The following EML6 variants were observed in gnomAD, a reference collection of about 807,000 sequenced individuals.
EML6 encodes echinoderm microtubule-associated protein-like 6.
In EML6, 154 loss-of-function variants were observed where a neutral mutation model predicts 240.1. The ratio of observed to expected loss-of-function variants is 0.64; its 90% CI spans 0.56 to 0.73. EML6 has a LOEUF of 0.73. EML6 is among the 30% of genes least tolerant of loss of function. The pLI is 0.00. For synonymous variants in EML6, 1,148 were observed against 899.0 expected, an observed-to-expected ratio of 1.28 and a Z score of -4.95; for missense variants, 2,964 against 2,474.6, an observed-to-expected ratio of 1.20 and a Z score of -4.20.
chr2:54,805,890 G>T (rs188309682), intron 2 of EML6, among the ~76,000 whole-genome samples: 10 of 152,144 alleles, frequency 6.6e-5, no homozygotes, highest in Admixed American at 3.9e-4. Flanking sequence ...TTCCAGCACT[G>T]TCTGTTGAAA....
chr2:54,937,884 G>C (rs914685814), intron 28 of EML6, among the ~76,000 whole-genome samples: 8 of 152,082 alleles, frequency 5.3e-5, no homozygotes, highest in African/African-American at 1.9e-4. Context: ...ACAAGAGTTG[G>C]GTCAATGAGA....
chr2:54,947,107 C>A (rs1330787570), intron 28 of EML6, among the ~76,000 whole-genome samples: 2 of 152,090 alleles, frequency 1.3e-5, no homozygotes, highest in Non-Finnish European at 2.9e-5. Context: ...GCCTTATGAG[C>A]CATGCCATAG....
At chr2:54,797,031 G>T (rs1415125024) in intron 2 of EML6, among the ~76,000 whole-genome samples, 1 of 151,764 alleles carries the variant, frequency 6.6e-6, no homozygotes, top group African/African-American at 2.4e-5. Flanking sequence ...GGGGCCTAGT[G>T]GTAGGTACCT....
At chr2:54,899,064 C>T (rs1672920761) in intron 21 of EML6, among the ~76,000 whole-genome samples, 1 of 152,174 alleles carries the variant, frequency 6.6e-6, no homozygotes, top group South Asian at 2.1e-4. Flanking sequence ...AGACGCAGAA[C>T]CTGGGCTACA....
chr2:54,901,091 A>G (rs1436521059), intron 22 of EML6, among the ~76,000 whole-genome samples: 2 of 152,242 alleles, frequency 1.3e-5, no homozygotes, highest in Non-Finnish European at 2.9e-5. Flanking sequence ...TGAGCCAACA[A>G]CTATGCCAGC....
At chr2:54,853,091 A>C (rs535756924) in intron 10 of EML6, among the ~76,000 whole-genome samples, 1 of 152,268 alleles carries the variant, frequency 6.6e-6, no homozygotes, top group South Asian at 2.1e-4. Flanking sequence ...TCATTAATCT[A>C]CTGAGCCTGA....
intron 2 of EML6, among the ~76,000 whole-genome samples, chr2:54,730,028 C>T (rs2104371592): frequency 6.6e-6 from 1 of 152,138 alleles, no homozygotes; most frequent in South Asian, 2.1e-4. Flanking sequence ...CCCTGATATT[C>T]CGGGACCTAG....
chr2:54,891,231 G>A (rs1049914685), intron 18 of EML6, 77 bp downstream of exon 18: 1 of 678,532 alleles, frequency 1.5e-6, no homozygotes, highest in Non-Finnish European at 2.5e-6. Context: ...ACAAACTGTT[G>A]CTACTACCTC....
intron 28 of EML6, among the ~76,000 whole-genome samples, chr2:54,930,464 C>G (rs963997403): frequency 9.9e-5 from 15 of 152,036 alleles, no homozygotes; most frequent in African/African-American, 3.4e-4. Context: ...ATTTTATTAT[C>G]AAGCTATACC....
At chr2:54,861,851 G>C (rs1286181403) in intron 12 of EML6, among the ~76,000 whole-genome samples, 1 of 150,730 alleles carries the variant, frequency 6.6e-6, no homozygotes, top group Admixed American at 6.6e-5. Context: ...CCAGATAAAC[G>C]AGCAAGACAT....
At position 54,903,242 on chromosome 2, in the gene EML6, C is replaced by T. The variant is rs1056704120; in HGVS notation, c.3277+46C>T. ...TTTTTAAAATAGCACAGTCTTGGGACAAAAAATTACAAGAATGAACTATTT... is the reference window on the plus strand; with the variant it reads ...TTTTTAAAATAGCACAGTCTTGGGATAAAAAATTACAAGAATGAACTATTT... On this transcript the variant is annotated intron_variant, in intron 23 of 41. Coordinates refer to ENST00000356458, the MANE Select transcript of EML6 (RefSeq NM_001039753.4). 7.2e-6 allele frequency: 11 copies of T among 1,528,494 alleles called. No individual in the cohort carries two copies. The Admixed American group carries it at 8.2e-5, about 11-fold the overall frequency. 94.7% of individuals were successfully genotyped at this position (1,528,494 alleles called of 1,614,324 possible).
intron 16 of EML6, among the ~76,000 whole-genome samples, chr2:54,873,315 C>A (rs534713699): frequency 2.0e-5 from 3 of 152,238 alleles, no homozygotes; most frequent in African/African-American, 7.2e-5. Flanking sequence ...TGGTAAAAAT[C>A]AAGGTTAAAC....
chr2:54,889,689 T>C (rs1033584651), intron 17 of EML6, among the ~76,000 whole-genome samples: 1 of 152,188 alleles, frequency 6.6e-6, no homozygotes, highest in Non-Finnish European at 1.5e-5. Context: ...ATTTCCTTTT[T>C]AATTTTTTAG....
chr2:54,902,597 C>T (rs1258915573), intron 22 of EML6, among the ~76,000 whole-genome samples: 1 of 152,162 alleles, frequency 6.6e-6, no homozygotes, highest in African/African-American at 2.4e-5. Context: ...TGGGATTTTG[C>T]TGCGTTGCCC....
chr2:54,952,737 C>A (rs376570674), intron 31 of EML6, 45 bp downstream of exon 31: 2 of 1,297,728 alleles, frequency 1.5e-6, no homozygotes, highest in Non-Finnish European at 2.2e-6. Context: ...CTTGCAGGGA[C>A]GCTGACCTGT....
At chr2:54,738,727 T>C (rs897867614) in intron 2 of EML6, among the ~76,000 whole-genome samples, 17 of 152,364 alleles carry the variant, frequency 1.1e-4, no homozygotes, top group Non-Finnish European at 2.4e-4. Flanking sequence ...TTTGTGTTTC[T>C]ACATGCTTAT....
intron 28 of EML6, among the ~76,000 whole-genome samples, chr2:54,944,379 A>G (rs1675577234): frequency 2.0e-5 from 3 of 152,136 alleles, no homozygotes; most frequent in Admixed American, 2.0e-4. Context: ...TTCATCCCCT[A>G]AAGACTCTCC....
intron 16 of EML6, among the ~76,000 whole-genome samples, chr2:54,879,109 C>G (rs764666385): frequency 1.3e-5 from 2 of 152,164 alleles, no homozygotes; most frequent in African/African-American, 2.4e-5. Context: ...TGAAAATGGT[C>G]TCAGGATCAC....
At chr2:54,828,581 T>G (rs1668710256) in intron 6 of EML6, among the ~76,000 whole-genome samples, 2 of 152,254 alleles carry the variant, frequency 1.3e-5, no homozygotes, top group Admixed American at 1.3e-4. Flanking sequence ...ATTTCAGATC[T>G]TTCACTATAT....
Sources: allele counts gnomAD v4.1 joint callset (sites outside exome capture counted in the v4.1 genomes callset), GRCh38; gene constraint gnomAD v4.1.1; transcripts MANE v1.5; gene names NCBI Gene and HGNC (gene_info 2026-07-23, HGNC 2026-07-21).